ZCCHC7: variants seen among roughly 807,000 people sequenced by gnomAD.
ZCCHC7 encodes the protein zinc finger CCHC domain-containing protein 7.
In ZCCHC7, 35 loss-of-function variants were observed where a neutral mutation model predicts 52.0. The observed-to-expected ratio is 0.67, with a 90% CI of 0.51 to 0.89. The LOEUF (loss-of-function observed/expected upper bound fraction) is 0.89. Ranked by LOEUF, ZCCHC7 falls within the 40% of genes least tolerant of loss-of-function variation. ZCCHC7 has a pLI of 0.00. For synonymous variants in ZCCHC7, 217 were observed against 221.5 expected, an observed-to-expected ratio of 0.98 and a Z score of 0.18; for missense variants, 574 against 649.1, an observed-to-expected ratio of 0.88 and a Z score of 1.26.
chr9:37,138,674 TCAC>T (rs1336338369), intron 2 of ZCCHC7, among the ~76,000 whole-genome samples: 3 of 151,822 alleles, frequency 2.0e-5, no homozygotes, highest in Non-Finnish European at 4.4e-5. Flanking sequence ...CATTAAAATG[TCAC>T]TCACCTTATC....
At chr9:37,172,743 G>C (rs1439506861) in intron 2 of ZCCHC7, among the ~76,000 whole-genome samples, 1 of 150,620 alleles carries the variant, frequency 6.6e-6, no homozygotes, top group South Asian at 2.1e-4. Context: ...GGGCATTCCA[G>C]TTGTTACTTG....
intron 2 of ZCCHC7, among the ~76,000 whole-genome samples, chr9:37,231,193 G>A (rs1043973561): frequency 1.3e-5 from 2 of 152,050 alleles, no homozygotes; most frequent in African/African-American, 2.4e-5. Context: ...TGATCCACCC[G>A]CCTCAGCCTC....
intron 6 of ZCCHC7, among the ~76,000 whole-genome samples, chr9:37,334,390 C>T (rs1386500451): frequency 6.6e-6 from 1 of 151,946 alleles, no homozygotes; most frequent in South Asian, 2.1e-4. Context: ...CAATTAATTA[C>T]TCACAATCAT....
chr9:37,263,774 A>G (rs1380542792), intron 2 of ZCCHC7, among the ~76,000 whole-genome samples: 2 of 152,182 alleles, frequency 1.3e-5, no homozygotes, highest in African/African-American at 4.8e-5. Flanking sequence ...TCCTTTTTCA[A>G]GTTAAGACAG....
intron 2 of ZCCHC7, among the ~76,000 whole-genome samples, chr9:37,154,662 T>G (rs1564145265): frequency 7.5e-6 from 1 of 132,804 alleles, no homozygotes; most frequent in Non-Finnish European, 1.7e-5. Flanking sequence ...TTCTGTTTTT[T>G]GTTTTTTTTT....
chr9:37,313,153 C>G (rs1425226616), intron 5 of ZCCHC7, among the ~76,000 whole-genome samples: 1 of 152,170 alleles, frequency 6.6e-6, no homozygotes, highest in Non-Finnish European at 1.5e-5. Context: ...GTACTTTGTT[C>G]CACCCACTTT....
At chr9:37,304,858 G>C (rs1324191516) in intron 4 of ZCCHC7, among the ~76,000 whole-genome samples, 2 of 152,060 alleles carry the variant, frequency 1.3e-5, no homozygotes, top group Admixed American at 1.3e-4. Flanking sequence ...TGTGCTTCTT[G>C]TTTTCTTGTC....
intron 2 of ZCCHC7, among the ~76,000 whole-genome samples, chr9:37,222,165 A>C (rs1364853913): frequency 6.6e-6 from 1 of 152,028 alleles, no homozygotes; most frequent in African/African-American, 2.4e-5. Context: ...GCTTGACATA[A>C]TGATCTTAAT....
rs138285112 is a variant in ZCCHC7, at chr9:37,290,452, T to G, written c.611-11736T>G. Among the ~76,000 whole-genome samples the G allele has an allele frequency of 2.4e-3, 371 of 152,162 alleles. 3 individuals are homozygous for G. Among genetic ancestry groups the G allele is most frequent in the Non-Finnish European group, 2.2e-3 (148 of 67,978 alleles). ...GGGTGAATCACTTAAGCCCAGGAGT[T>G]CAAGACCAGCCTGGGCAACGTAGCA... On this transcript the variant is annotated intron_variant, in intron 2 of 8. Coordinates refer to ENST00000336755, the MANE Select transcript of ZCCHC7 (RefSeq NM_032226.3).
At chr9:37,137,704 T>C (rs1189756654) in intron 2 of ZCCHC7, among the ~76,000 whole-genome samples, 1 of 152,170 alleles carries the variant, frequency 6.6e-6, no homozygotes, top group Non-Finnish European at 1.5e-5. Context: ...GTAGAGCAGG[T>C]CTTAAGGTAC....
intron 2 of ZCCHC7, among the ~76,000 whole-genome samples, chr9:37,271,074 A>G (rs1827387337): frequency 6.6e-6 from 1 of 152,240 alleles, no homozygotes; most frequent in Admixed American, 6.5e-5. Context: ...GCAACTCCTA[A>G]TGAAATAATG....
At chr9:37,222,812 A>G (rs1377089187) in intron 2 of ZCCHC7, among the ~76,000 whole-genome samples, 1 of 152,158 alleles carries the variant, frequency 6.6e-6, no homozygotes, top group African/African-American at 2.4e-5. Flanking sequence ...CCCTTAATCT[A>G]ATTACATAAA....
At chr9:37,124,077 C>T (rs1355672378) in intron 1 of ZCCHC7, among the ~76,000 whole-genome samples, 2 of 152,084 alleles carry the variant, frequency 1.3e-5, no homozygotes, top group African/African-American at 4.8e-5. Context: ...CCAGAACTAC[C>T]ACCACAACAC....
At chr9:37,146,551 G>A (rs929167434) in intron 2 of ZCCHC7, among the ~76,000 whole-genome samples, 11 of 151,882 alleles carry the variant, frequency 7.2e-5, no homozygotes, top group African/African-American at 2.7e-4. Context: ...CTAAAAACGT[G>A]TGGTAGCTGT....
chr9:37,333,387 A>G (rs1185479562), intron 6 of ZCCHC7, among the ~76,000 whole-genome samples: 2 of 151,742 alleles, frequency 1.3e-5, no homozygotes, highest in African/African-American at 4.8e-5. Flanking sequence ...AAGTTCTACT[A>G]TAAATAGTGA....
At chr9:37,283,673 C>G (rs1166148253) in intron 2 of ZCCHC7, among the ~76,000 whole-genome samples, 1 of 152,020 alleles carries the variant, frequency 6.6e-6, no homozygotes, top group Non-Finnish European at 1.5e-5. Flanking sequence ...TCAGTTAGAT[C>G]ATAGTAATAA....
chr9:37,266,225 T>C (rs1305317144), intron 2 of ZCCHC7, among the ~76,000 whole-genome samples: 1 of 152,226 alleles, frequency 6.6e-6, no homozygotes, highest in Non-Finnish European at 1.5e-5. Flanking sequence ...ATGTAAAGTT[T>C]AGTTACCATA....
chr9:37,313,379 G>A (rs773412972), intron 5 of ZCCHC7, among the ~76,000 whole-genome samples: 2 of 152,076 alleles, frequency 1.3e-5, no homozygotes, highest in African/African-American at 2.4e-5. Context: ...AGTGAAAATC[G>A]CATACATGTT....
intron 2 of ZCCHC7, among the ~76,000 whole-genome samples, chr9:37,259,160 A>C: frequency 6.6e-6 from 1 of 152,228 alleles, no homozygotes; most frequent in South Asian, 2.1e-4. Context: ...AATGAAATGC[A>C]GGCCTTTGTT....
Sources: gnomAD v4.1 joint callset for allele counts (sites outside exome capture counted in the v4.1 genomes callset) on GRCh38, gnomAD v4.1.1 for gene constraint, MANE v1.5 for transcripts, NCBI Gene and HGNC (gene_info 2026-07-23, HGNC 2026-07-21) for gene names.